OPCML: variants seen among roughly 807,000 people sequenced by gnomAD.
OPCML encodes the protein opioid binding protein/cell adhesion molecule like.
OPCML carries 13 observed loss-of-function variants against 37.8 expected under a neutral mutation model. The ratio of observed to expected loss-of-function variants is 0.34; its 90% CI spans 0.22 to 0.55. OPCML has a LOEUF of 0.55. Ranked by LOEUF, OPCML falls within the 20% of genes least tolerant of loss-of-function variation. The pLI is 0.91. For missense variants in OPCML, 341 were observed against 435.6 expected, an observed-to-expected ratio of 0.78 and a Z score of 1.93; for synonymous variants, 176 against 168.8, an observed-to-expected ratio of 1.04 and a Z score of -0.33.
intron 1 of OPCML, among the ~76,000 whole-genome samples, chr11:133,169,839 A>G (rs1011120943): frequency 6.6e-6 from 1 of 152,232 alleles, no homozygotes; most frequent in Non-Finnish European, 1.5e-5. Flanking sequence ...AATTTGGGAA[A>G]AAATCATATT....
chr11:132,824,255 C>G (rs775019709), intron 2 of OPCML, among the ~76,000 whole-genome samples: 12 of 152,178 alleles, frequency 7.9e-5, no homozygotes, highest in Non-Finnish European at 1.3e-4. Context: ...TTTATTGAAG[C>G]CATTCCAGAC....
intron 1 of OPCML, chr11:133,007,245 C>T (rs1232210173): frequency 1.0e-6 from 1 of 985,278 alleles, no homozygotes; most frequent in Non-Finnish European, 1.2e-6. Flanking sequence ...TTTATTTTAG[C>T]AATTTGTGGT....
At chr11:132,587,845 G>A (rs2096476355) in intron 3 of OPCML, among the ~76,000 whole-genome samples, 1 of 152,118 alleles carries the variant, frequency 6.6e-6, no homozygotes, top group Non-Finnish European at 1.5e-5. Context: ...TTTCTCAAGA[G>A]GTGAAATGCA....
At chr11:133,165,690 T>C (rs1268548776) in intron 1 of OPCML, among the ~76,000 whole-genome samples, 3 of 152,214 alleles carry the variant, frequency 2.0e-5, no homozygotes, top group Non-Finnish European at 4.4e-5. Context: ...ACGTTTGTTT[T>C]GTCACACAGC....
chr11:132,596,185 G>A (rs1196547683), intron 3 of OPCML, among the ~76,000 whole-genome samples: 1 of 152,096 alleles, frequency 6.6e-6, no homozygotes, highest in African/African-American at 2.4e-5. Flanking sequence ...GCTTATCATA[G>A]TGCCTGACAC....
chr11:133,423,453 G>A (rs748941932), intron 1 of OPCML: 246 of 985,260 alleles, frequency 2.5e-4, no homozygotes, highest in South Asian at 3.3e-4. Flanking sequence ...GCAAATCACT[G>A]AAATTCTCTG....
rs138214228 is a variant in OPCML at position 133,292,319 on chromosome 11, T to C, written c.61+239945A>G. 6.4e-3 allele frequency among the ~76,000 whole-genome samples: 970 copies of C among 152,330 alleles called. 7 individuals are homozygous for C. Among genetic ancestry groups the C allele is most frequent in the African/African-American group, 0.022 (903 of 41,584 alleles). On this transcript the variant is annotated intron_variant, in intron 1 of 7. Coordinates refer to ENST00000524381, the MANE Select transcript of OPCML (RefSeq NM_001012393.5). ...TAGAGATGCAATATTGCTTTTTTCATAGTGGCTTTTCCGTTTCTTTCCAAT... is the reference window on the plus strand; with the variant it reads ...TAGAGATGCAATATTGCTTTTTTCACAGTGGCTTTTCCGTTTCTTTCCAAT...
intron 4 of OPCML, 116 bp from the exon 5 acceptor site, chr11:132,437,475 A>G: frequency 1.3e-6 from 2 of 1,507,406 alleles, no homozygotes; most frequent in South Asian, 2.6e-5. Context: ...AGAATGGAGT[A>G]GGACATCAAG....
chr11:132,627,884 A>C (rs927003777), intron 3 of OPCML, among the ~76,000 whole-genome samples: 13 of 152,168 alleles, frequency 8.5e-5, no homozygotes, highest in Non-Finnish European at 1.6e-4. Flanking sequence ...GGTAAGACTA[A>C]GGTAGTGTTT....
chr11:133,289,804 T>C (rs1347908191), intron 1 of OPCML, among the ~76,000 whole-genome samples: 4 of 152,040 alleles, frequency 2.6e-5, no homozygotes, highest in Non-Finnish European at 5.9e-5. Context: ...TCTTCCTTGG[T>C]GTTTTAAAAA....
chr11:132,907,136 T>A (rs1471908988), intron 2 of OPCML, among the ~76,000 whole-genome samples: 1 of 152,142 alleles, frequency 6.6e-6, no homozygotes, highest in Non-Finnish European at 1.5e-5. Flanking sequence ...CTTCAAAAAT[T>A]GTTTTCTATC....
At chr11:133,164,054 CA>C (rs1950178083) in intron 1 of OPCML, among the ~76,000 whole-genome samples, 1 of 152,208 alleles carries the variant, frequency 6.6e-6, no homozygotes, top group Non-Finnish European at 1.5e-5. Flanking sequence ...GCCTATTTCA[CA>C]AAGGGCAGGG....
intron 1 of OPCML, among the ~76,000 whole-genome samples, chr11:133,423,634 G>A (rs78247116): frequency 0.064 from 9,795 of 152,226 alleles, 890 homozygotes; most frequent in African/African-American, 0.2. Context: ...GAGTGGTTGT[G>A]GAATTCTCAG....
intron 2 of OPCML, among the ~76,000 whole-genome samples, chr11:132,658,125 G>T (rs747607549): frequency 6.6e-6 from 1 of 152,216 alleles, no homozygotes; most frequent in Non-Finnish European, 1.5e-5. Context: ...AGGACTGAAA[G>T]TGTTGGACGT....
intron 1 of OPCML, among the ~76,000 whole-genome samples, chr11:133,304,632 G>A (rs750311135): frequency 4.2e-4 from 64 of 152,210 alleles, no homozygotes; most frequent in Non-Finnish European, 1.5e-4. Context: ...CCTTCTTGAA[G>A]CAAAAGTGTG....
chr11:132,851,752 G>A (rs1941818945), intron 2 of OPCML, among the ~76,000 whole-genome samples: 1 of 152,204 alleles, frequency 6.6e-6, no homozygotes, highest in African/African-American at 2.4e-5. Context: ...AGAAGACTGA[G>A]ATTCAGAAAG....
At chr11:132,525,010 C>T (rs1012281117) in intron 4 of OPCML, among the ~76,000 whole-genome samples, 21 of 152,194 alleles carry the variant, frequency 1.4e-4, no homozygotes, top group Non-Finnish European at 2.5e-4. Context: ...CCCTTGCCTC[C>T]TCCCACTCCA....
chr11:133,281,679 C>G (rs1942162668), intron 1 of OPCML, among the ~76,000 whole-genome samples: 1 of 151,638 alleles, frequency 6.6e-6, no homozygotes, highest in Non-Finnish European at 1.5e-5. Context: ...GTAGAGGGCT[C>G]AGAAGAAGAC....
At chr11:132,958,230 A>C (rs927959198) in intron 1 of OPCML, among the ~76,000 whole-genome samples, 1 of 152,256 alleles carries the variant, frequency 6.6e-6, no homozygotes, top group Non-Finnish European at 1.5e-5. Flanking sequence ...AAGTCAAACC[A>C]GCCACAACAT....
Sources: gnomAD v4.1 joint callset for allele counts (sites outside exome capture counted in the v4.1 genomes callset) on GRCh38, gnomAD v4.1.1 for gene constraint, MANE v1.5 for transcripts, NCBI Gene and HGNC (gene_info 2026-07-23, HGNC 2026-07-21) for gene names.